The following BRSK2 variants were observed in gnomAD, a reference collection of about 807,000 sequenced individuals.
BRSK2 encodes the protein serine/threonine-protein kinase BRSK2.
BRSK2 carries 19 observed loss-of-function variants against 83.3 expected under a neutral mutation model. The ratio of observed to expected loss-of-function variants is 0.23; its 90% CI spans 0.16 to 0.33. BRSK2 has a LOEUF of 0.33. Among genes scored for constraint, BRSK2 ranks in the 10% least tolerant of loss-of-function variants. BRSK2 has a pLI of 1.00. For synonymous variants in BRSK2, 519 were observed against 435.4 expected (o/e 1.19, Z -2.39); for missense variants, 798 against 1,042.3 (o/e 0.77, Z 3.23).
intron 1 of BRSK2, among the ~76,000 whole-genome samples, chr11:1,418,928 T>C (rs905548173): frequency 3.3e-5 from 5 of 152,224 alleles, no homozygotes; most frequent in Admixed American, 3.3e-4. Flanking sequence ...TTTTTCTTTT[T>C]TTTCTGTAGT....
Position 1,460,827 on chromosome 11 carries a change from A to G in BRSK2, c.*104A>G. 1.3e-6 allele frequency: 2 copies of G among 1,511,866 alleles called. No homozygotes were observed. Among genetic ancestry groups the G allele is most frequent in the South Asian group, 1.2e-5 (1 of 82,644 alleles). The allele number at this position is 1,511,866 out of a possible 1,614,324, so 93.7% of individuals were successfully genotyped here. A position where few individuals can be genotyped will look rare whatever the true frequency, so the allele number is the denominator to read the frequency against. The stretch of plus-strand genomic sequence containing the variant: ...CCGCGGCCGCGCCGCCCGTCCGTCC[A>G]GACTGTTCTCAGAGCCTGGGAGGAA... On this transcript the variant is annotated 3_prime_UTR_variant, in exon 20 of 20. Transcript: ENST00000528841.
rs908888645 is a variant in BRSK2, at chr11:1,443,787, G to A, written c.780+152G>A. ...GTGTGTGGACGTGTGCACAGGTGTC[G>A]GCTTGTGTTCAGGTGTGGGTGACCA... On this transcript the variant is annotated intron_variant, in intron 8 of 19. Transcript: ENST00000528841. The A allele has an allele frequency of 1.6e-4, 181 of 1,121,730 alleles. No homozygotes were observed. In the African/African-American group the frequency reaches 2.4e-3, roughly 15 times the overall value. The allele number at this position is 1,121,730 out of a possible 1,614,324, so 69.5% of individuals were successfully genotyped here.
intron 16 of BRSK2, 137 bp from the exon 17 acceptor site, chr11:1,456,211 G>A (rs1365109152): frequency 2.2e-6 from 2 of 908,148 alleles, no homozygotes; most frequent in African/African-American, 1.7e-5. Flanking sequence ...ACCGCACTGT[G>A]CCCCTCACGG....
chr11:1,438,084 C>A lies in BRSK2; in HGVS notation c.187-222C>A. Among the ~76,000 whole-genome samples, 1 of 144,518 alleles carries A rather than the reference C, an allele frequency of 6.9e-6. No homozygotes were observed. The allele number at this position is 144,518 out of a possible 152,430, so 94.8% of individuals were successfully genotyped here. A position where few individuals can be genotyped will look rare whatever the true frequency, so the allele number is the denominator to read the frequency against. On this transcript the variant is annotated intron_variant, in intron 2 of 19. Transcript: ENST00000528841. This position sits in a 1 kb window ranked among gnomAD's most constrained non-coding sequence, Gnocchi z 6.4. ...TCCCCCACAGCTGGCACCAAAGGCC[C>A]CTGCGTCCCCCACAGCTGGCACCAA...
intron 18 of BRSK2, among the ~76,000 whole-genome samples, chr11:1,457,322 T>A (rs60078451): frequency 0.14 from 21,216 of 152,234 alleles, 2,078 homozygotes; most frequent in East Asian, 0.28. Flanking sequence ...CCATACTTCC[T>A]GACAGCCCAG....
intron 1 of BRSK2, among the ~76,000 whole-genome samples, chr11:1,395,923 G>A (rs1406575476): frequency 6.6e-6 from 1 of 152,208 alleles, no homozygotes; most frequent in Non-Finnish European, 1.5e-5. Context: ...ACTGGGGAAT[G>A]CAGGGCCTGG....
chr11:1,414,873 T>C (rs921982093), intron 1 of BRSK2, among the ~76,000 whole-genome samples: 2 of 152,222 alleles, frequency 1.3e-5, no homozygotes, highest in African/African-American at 2.4e-5. Context: ...GGGCCATCCC[T>C]GTTGTCATCC....
In BRSK2 at chr11:1,443,088, C is replaced by T. The variant is rs1369274990; in HGVS notation, c.531-18C>T. 12 of 1,533,598 alleles carry T rather than the reference C, an allele frequency of 7.8e-6. No homozygotes were observed. Among genetic ancestry groups the T allele is most frequent in the African/African-American group, 2.7e-5 (2 of 72,936 alleles). The allele number at this position is 1,533,598 out of a possible 1,614,324, so 95.0% of individuals were successfully genotyped here. Reference sequence around the variant, plus strand: ...CAGCGCCCGGAGCCCCGCCGCTGACCTCTGCCCTTGCCCGCAGGTCCCCCC... The same window carrying T: ...CAGCGCCCGGAGCCCCGCCGCTGACTTCTGCCCTTGCCCGCAGGTCCCCCC... On this transcript the variant is annotated intron_variant, in intron 5 of 19. Coordinates refer to ENST00000528841, the MANE Select transcript of BRSK2 (RefSeq NM_001256627.2).
At position 1,436,150 on chromosome 11, in the gene BRSK2, G is replaced by T. The variant is rs1286099271; in HGVS notation, c.186+16G>T. 4.2e-6 allele frequency: 4 copies of T among 944,526 alleles called. No homozygotes were observed. The African/African-American group carries it at 5.2e-5, about 12-fold the overall frequency. 58.5% of individuals were successfully genotyped at this position (944,526 alleles called of 1,614,324 possible). ...GCTGATGAAGGTGGGTGGGGCCGGGGAGGGAGGCGGGGCCGGCGGTGGGGT... is the reference window on the plus strand; with the variant it reads ...GCTGATGAAGGTGGGTGGGGCCGGGTAGGGAGGCGGGGCCGGCGGTGGGGT... On this transcript the variant is annotated intron_variant, in intron 2 of 19. Coordinates refer to ENST00000528841, the MANE Select transcript of BRSK2 (RefSeq NM_001256627.2).
In BRSK2 at chr11:1,436,148, GGGAGGGA is replaced by G; in HGVS notation, c.186+17_186+23del. 9.2e-7 allele frequency: 1 copy of G among 1,089,746 alleles called. No individual in the cohort carries two copies. Among genetic ancestry groups the G allele is most frequent in the Non-Finnish European group, 1.3e-6 (1 of 777,912 alleles). The allele number at this position is 1,089,746 out of a possible 1,614,324, so 67.5% of individuals were successfully genotyped here. ...GTGCTGATGAAGGTGGGTGGGGCCG[GGGAGGGA>G]GGCGGGGCCGGCGGTGGGGTGGGGC... On this transcript the variant is annotated intron_variant, in intron 2 of 19. Coordinates refer to ENST00000528841, the MANE Select transcript of BRSK2 (RefSeq NM_001256627.2).
rs71469893 is a variant in BRSK2 at position 1,416,887 on chromosome 11, G to A, written c.92-19153G>A. Among the ~76,000 whole-genome samples the A allele has an allele frequency of 7.8e-3, 1,193 of 152,252 alleles. 2 individuals carry two copies. Among genetic ancestry groups the A allele is most frequent in the African/African-American group, 0.011 (450 of 41,530 alleles). Reference sequence around the variant, plus strand: ...TAAAATGTGGCTTCTTCAGCCAGGCGCGGTGGCTCATGCCTGTAATCCCAA... The same window carrying A: ...TAAAATGTGGCTTCTTCAGCCAGGCACGGTGGCTCATGCCTGTAATCCCAA... On this transcript the variant is annotated intron_variant, in intron 1 of 19. Transcript: ENST00000528841.
At chr11:1,394,158 A>G (rs1319145150) in intron 1 of BRSK2, among the ~76,000 whole-genome samples, 1 of 71,850 alleles carries the variant, frequency 1.4e-5, no homozygotes, top group African/African-American at 6.0e-5. Flanking sequence ...GAGATGGGCC[A>G]TGGAGATGGG....
At chr11:1,442,433 G>T in intron 4 of BRSK2, 57 bp from the exon 5 acceptor site, 9 of 1,399,934 alleles carry the variant, frequency 6.4e-6, no homozygotes, top group Non-Finnish European at 7.1e-6. Flanking sequence ...TCTCCAGGGC[G>T]GGGAGGCGCT....
At chr11:1,434,061 T>C (rs1454701743) in intron 1 of BRSK2, among the ~76,000 whole-genome samples, 2 of 152,178 alleles carry the variant, frequency 1.3e-5, no homozygotes, top group African/African-American at 4.8e-5. Context: ...AGGATTAATT[T>C]CCCAAAAAAA....
Position 1,438,209 on chromosome 11 carries a change from C to T in BRSK2, c.187-97C>T. 8.3e-7 allele frequency: 1 copy of T among 1,208,074 alleles called. No homozygotes were observed. Among genetic ancestry groups the T allele is most frequent in the East Asian group, 2.5e-5 (1 of 40,742 alleles). 74.8% of individuals were successfully genotyped at this position (1,208,074 alleles called of 1,614,324 possible). On this transcript the variant is annotated intron_variant, in intron 2 of 19. Coordinates refer to ENST00000528841, the MANE Select transcript of BRSK2 (RefSeq NM_001256627.2). This position sits in a 1 kb window ranked among gnomAD's most constrained non-coding sequence, Gnocchi z 6.4. Reference sequence around the variant, plus strand: ...CCCCCACAGCTGGCACCAAAGGCCCCTGCGACCCCCACAGCTGGCACCAAA... The same window carrying T: ...CCCCCACAGCTGGCACCAAAGGCCCTTGCGACCCCCACAGCTGGCACCAAA...
chr11:1,456,647 G>A lies in BRSK2; in HGVS notation c.1899G>A (p.Leu633=), dbSNP rs369011566. The A allele has an allele frequency of 1.6e-4, 254 of 1,610,410 alleles. No individual in the cohort carries two copies. Among genetic ancestry groups the A allele is most frequent in the Middle Eastern group, 1.0e-3 (6 of 6,020 alleles). ...KRVVETIQAQ[L]LSTHDPPAAQ... is the part of the protein sequence containing the mutation. ...TGGTGGAGACCATCCAGGCCCAGCTGCTGAGCACACACGACCCGCCTGCGG... is the reference window on the plus strand; with the variant it reads ...TGGTGGAGACCATCCAGGCCCAGCTACTGAGCACACACGACCCGCCTGCGG... Residue 633 remains leucine (L), a synonymous_variant, in exon 18 of 20, where the codon CTG becomes CTA. Coordinates refer to ENST00000528841, the MANE Select transcript of BRSK2 (RefSeq NM_001256627.2).
At position 1,436,130 on chromosome 11, in the gene BRSK2, T is replaced by C. The variant is rs1341201081; in HGVS notation, c.182T>C (p.Met61Thr). The change falls in exon 2 of 20, where the codon ATG becomes ACG. Residue 61 changes from methionine to threonine, a missense_variant. Transcript: ENST00000528841. ...NREKLSESVL[M>T]KVEREIAILK... Reference sequence around the variant, plus strand: ...GAGAAGCTCAGCGAGTCGGTGCTGATGAAGGTGGGTGGGGCCGGGGAGGGA... The same window carrying C: ...GAGAAGCTCAGCGAGTCGGTGCTGACGAAGGTGGGTGGGGCCGGGGAGGGA... 1 of 1,357,028 alleles carries C rather than the reference T, an allele frequency of 7.4e-7. No individual in the cohort carries two copies. The highest frequency in any genetic ancestry group is 1.3e-5 in the South Asian group (1 of 75,048). 84.1% of individuals were successfully genotyped at this position (1,357,028 alleles called of 1,614,324 possible).
At chr11:1,449,665 TGG>T in intron 12 of BRSK2, 109 bp from the exon 13 acceptor site, 1 of 869,930 alleles carries the variant, frequency 1.1e-6, no homozygotes, top group South Asian at 1.8e-5. Flanking sequence ...TCGAGGCTCT[TGG>T]CCCGGGCTCC....
chr11:1,438,332 G>A lies in BRSK2; in HGVS notation c.213G>A (p.Lys71=). The A allele has an allele frequency of 6.2e-7, 1 of 1,614,100 alleles. No individual in the cohort carries two copies. Among genetic ancestry groups the A allele is most frequent in the Admixed American group, 1.7e-5 (1 of 60,030 alleles). ...TGGAGCGGGAGATCGCGATCCTGAAGCTCATTGAGCACCCCCACGTCCTAA... is the reference window on the plus strand; with the variant it reads ...TGGAGCGGGAGATCGCGATCCTGAAACTCATTGAGCACCCCCACGTCCTAA... ...MKVEREIAIL[K]LIEHPHVLKL... is the part of the protein sequence containing the mutation. The change falls in exon 3 of 20, where the codon AAG becomes AAA. Residue 71 remains lysine (K), a synonymous_variant. Coordinates refer to ENST00000528841, the MANE Select transcript of BRSK2 (RefSeq NM_001256627.2). This position sits in a 1 kb window ranked among gnomAD's most constrained non-coding sequence, Gnocchi z 6.4.
Sources: gnomAD v4.1 joint callset for allele counts (sites outside exome capture counted in the v4.1 genomes callset) on GRCh38, gnomAD v4.1.1 for gene constraint, Gnocchi (gnomAD v3.1) non-coding constraint, MANE v1.5 for transcripts, NCBI Gene and HGNC (gene_info 2026-07-23, HGNC 2026-07-21) for gene names.